TACC1: variants seen among roughly 807,000 people sequenced by gnomAD.
TACC1 encodes transforming acidic coiled-coil-containing protein 1.
Under a neutral mutation model 84.4 loss-of-function variants are expected in TACC1, and 48 were observed. The observed-to-expected ratio is 0.57, with a 90% CI of 0.45 to 0.72. The LOEUF is 0.72. Ranked by LOEUF, TACC1 falls within the 30% of genes least tolerant of loss-of-function variation. TACC1 has a pLI of 0.00. For synonymous variants in TACC1, 372 were observed against 376.3 expected, an observed-to-expected ratio of 0.99 and a Z score of 0.13; for missense variants, 920 against 973.0, an observed-to-expected ratio of 0.95 and a Z score of 0.72.
intron 4 of TACC1, among the ~76,000 whole-genome samples, chr8:38,826,614 A>T (rs1284082451): frequency 1.3e-5 from 2 of 152,182 alleles, no homozygotes; most frequent in East Asian, 3.8e-4. Context: ...TAGTTTCTTG[A>T]TGGAAGTGGG....
At chr8:38,778,456 T>A (rs1029748522) in intron 3 of TACC1, among the ~76,000 whole-genome samples, 2 of 152,222 alleles carry the variant, frequency 1.3e-5, no homozygotes, top group African/African-American at 4.8e-5. Flanking sequence ...CCTCGCTCCA[T>A]AAATGGACAT....
chr8:38,745,303 A>G (rs1442727330), exon 3 of TACC1: 12 of 525,494 alleles, frequency 2.3e-5, no homozygotes, highest in Non-Finnish European at 3.7e-5. Context: ...TACCTGCAAA[A>G]CAAAGGAAAA....
intron 3 of TACC1, among the ~76,000 whole-genome samples, chr8:38,763,453 G>C (rs1208480221): frequency 2.0e-5 from 3 of 152,036 alleles, no homozygotes; most frequent in Non-Finnish European, 2.9e-5. Context: ...CACCATGCCC[G>C]GCCTCATTTT....
chr8:38,811,813 A>G (rs895076616), intron 2 of TACC1, among the ~76,000 whole-genome samples: 1 of 152,236 alleles, frequency 6.6e-6, no homozygotes, highest in Admixed American at 6.5e-5. Context: ...GAAGACAACC[A>G]TAAGGTCTGA....
upstream of TACC1, among the ~76,000 whole-genome samples, chr8:38,783,490 C>T (rs180703062): frequency 5.0e-4 from 76 of 151,238 alleles, no homozygotes; most frequent in African/African-American, 1.5e-3. Context: ...GGCATGATCT[C>T]GGCTCACCGC....
intron 3 of TACC1, among the ~76,000 whole-genome samples, chr8:38,776,296 C>T (rs752597007): frequency 2.0e-5 from 3 of 152,140 alleles, no homozygotes; most frequent in African/African-American, 4.8e-5. Context: ...CAAGTCATTA[C>T]GGCAGAAGGA....
chr8:38,846,590 T>G (rs564396846), intron 11 of TACC1, 109 bp from the exon 12 acceptor site: 72 of 1,332,812 alleles, frequency 5.4e-5, no homozygotes, highest in Non-Finnish European at 6.6e-5. Context: ...CAGTCAATTC[T>G]TTGAGGCCTG....
At chr8:38,839,624 G>C in intron 8 of TACC1, 1 of 257,230 alleles carries the variant, frequency 3.9e-6, no homozygotes. Flanking sequence ...ACCATTGAGG[G>C]CAGGGGAGGA....
intron 3 of TACC1, among the ~76,000 whole-genome samples, chr8:38,745,831 A>G (rs7824230): frequency 0.048 from 7,255 of 151,624 alleles, 578 homozygotes; most frequent in African/African-American, 0.16. Flanking sequence ...GGCATGAGCC[A>G]CCGCACCCAG....
chr8:38,794,698 C>T (rs1244586575), intron 2 of TACC1, among the ~76,000 whole-genome samples: 1 of 152,056 alleles, frequency 6.6e-6, no homozygotes, highest in Non-Finnish European at 1.5e-5. Flanking sequence ...TCATTAGGTA[C>T]ATATTGAAGT....
chr8:38,811,759 A>AC (rs1399246169), intron 2 of TACC1, among the ~76,000 whole-genome samples: 1 of 152,220 alleles, frequency 6.6e-6, no homozygotes, highest in Non-Finnish European at 1.5e-5. Flanking sequence ...AAATCAGTGC[A>AC]CCTTGAAAAA....
intron 3 of TACC1, among the ~76,000 whole-genome samples, chr8:38,781,833 A>G (rs1816052386): frequency 6.6e-6 from 1 of 152,112 alleles, no homozygotes; most frequent in African/African-American, 2.4e-5. Flanking sequence ...TTTATAAACA[A>G]CATAGAGGAA....
In TACC1 at chr8:38,849,481, A is replaced by G. The variant is rs1288526193; in HGVS notation, c.*1458A>G. ...ACATGCTGAAAGTCTTCATGGTGAT[A>G]TGCACTATATTCAGTATACGTATGT... On this transcript the variant is annotated 3_prime_UTR_variant, in exon 13 of 13. Transcript: ENST00000317827. 6.6e-6 allele frequency: 1 copy of G among 152,238 alleles called. No homozygotes were observed. The highest frequency in any genetic ancestry group is 1.9e-4 in the East Asian group (1 of 5,202). The allele number at this position is 152,238 out of a possible 1,614,324, so 9.4% of individuals were successfully genotyped here. A position where few individuals can be genotyped will look rare whatever the true frequency, so the allele number is the denominator to read the frequency against.
intron 1 of TACC1, among the ~76,000 whole-genome samples, chr8:38,729,019 C>T (rs1228146541): frequency 6.6e-6 from 1 of 151,980 alleles, no homozygotes; most frequent in Non-Finnish European, 1.5e-5. Flanking sequence ...TCTCTCTTCT[C>T]TTCTTTTTTC....
Position 38,787,725 on chromosome 8 carries a change from C to A in TACC1, c.143C>A (p.Thr48Asn). The A allele has an allele frequency of 6.5e-7, 1 of 1,547,100 alleles. No homozygotes were observed. Among genetic ancestry groups the A allele is most frequent in the East Asian group, 2.4e-5 (1 of 40,986 alleles). The part of the protein sequence containing the change: ...DPEEEDSQAE[T>N]KSLSFSSDSE... ...GAGGAGGAGGATTCGCAAGCCGAGA[C>A]CAAATCCTTGAGTTTCAGGCAAGTA... The change falls in exon 1 of 13, where the codon ACC becomes AAC. Residue 48 changes from threonine to asparagine, a missense_variant. Physicochemically the swap from Thr to Asn is moderately conservative, Grantham distance 65. Around this residue, in one of 2 missense-constraint regions of TACC1, gnomAD observed 762 missense variants for 747.3 expected, o/e 1.02. Coordinates refer to ENST00000317827, the MANE Select transcript of TACC1 (RefSeq NM_006283.3).
At chr8:38,841,363 C>T (rs934181603) in intron 9 of TACC1, among the ~76,000 whole-genome samples, 9 of 152,002 alleles carry the variant, frequency 5.9e-5, no homozygotes, top group Admixed American at 3.3e-4. Flanking sequence ...GTGAAGTCTC[C>T]GGCAAAAAGA....
intron 3 of TACC1, among the ~76,000 whole-genome samples, chr8:38,764,429 A>AC (rs1811838022): frequency 6.7e-6 from 1 of 148,288 alleles, no homozygotes; most frequent in African/African-American, 2.5e-5. Flanking sequence ...AATTTGGTAA[A>AC]AAAAAAAAAA....
chr8:38,764,859 G>A (rs1218343658), intron 3 of TACC1, among the ~76,000 whole-genome samples: 1 of 152,154 alleles, frequency 6.6e-6, no homozygotes, highest in Non-Finnish European at 1.5e-5. Context: ...AGCACTTTGG[G>A]AGGCCAAGGC....
intron 9 of TACC1, among the ~76,000 whole-genome samples, chr8:38,841,403 G>C (rs1345124633): frequency 6.6e-6 from 1 of 152,120 alleles, no homozygotes; most frequent in Non-Finnish European, 1.5e-5. Flanking sequence ...GGCCTGAATA[G>C]ACCAAAAGAA....
Sources: allele counts gnomAD v4.1 joint callset (sites outside exome capture counted in the v4.1 genomes callset), GRCh38; gene constraint gnomAD v4.1.1; regional missense constraint gnomAD v4.1.1; transcripts MANE v1.5; gene names NCBI Gene and HGNC (gene_info 2026-07-23, HGNC 2026-07-21).